CPNE8: variants seen among roughly 807,000 people sequenced by gnomAD.
The protein encoded by CPNE8 is copine-8.
Under a neutral mutation model 81.5 loss-of-function variants are expected in CPNE8, and 45 were observed. The ratio of observed to expected loss-of-function variants is 0.55; its 90% confidence interval spans 0.44 to 0.71. The LOEUF (loss-of-function observed/expected upper bound fraction) is 0.71, where lower values mean the gene tolerates loss of function less well. Ranked by LOEUF, CPNE8 falls within the 30% of genes least tolerant of loss-of-function variation. CPNE8 has a pLI of 0.00. For missense variants in CPNE8, 594 were observed against 672.1 expected (o/e 0.88, Z 1.28); for synonymous variants, 252 against 226.3 (o/e 1.11, Z -1.02).
chr12:38,783,678 G>A (rs541893334), intron 6 of CPNE8, among the ~76,000 whole-genome samples: 1 of 152,288 alleles, frequency 6.6e-6, no homozygotes, highest in South Asian at 2.1e-4. Flanking sequence ...AAGAAAGAGA[G>A]ACCCTGTTTG....
chr12:38,744,932 C>T (rs1466119580), intron 10 of CPNE8, among the ~76,000 whole-genome samples: 2 of 152,182 alleles, frequency 1.3e-5, no homozygotes, highest in African/African-American at 4.8e-5. Context: ...CTAATGACCT[C>T]CATAATCTTG....
At chr12:38,798,065 A>C (rs1330342735) in intron 6 of CPNE8, among the ~76,000 whole-genome samples, 1 of 152,204 alleles carries the variant, frequency 6.6e-6, no homozygotes, top group Non-Finnish European at 1.5e-5. Context: ...GACCAAATCT[A>C]CGTCTCATTG....
intron 3 of CPNE8, among the ~76,000 whole-genome samples, chr12:38,858,788 C>T (rs1943785698): frequency 6.6e-6 from 1 of 151,904 alleles, no homozygotes; most frequent in African/African-American, 2.4e-5. Flanking sequence ...ATTTTTTTTC[C>T]TGTGATACAA....
intron 13 of CPNE8, among the ~76,000 whole-genome samples, chr12:38,710,255 C>T (rs1592027787): frequency 1.2e-4 from 1 of 8,172 alleles, no homozygotes; most frequent in South Asian, 2.9e-3. Context: ...GTGACATAAT[C>T]AAAATAAGCT....
At chr12:38,704,881 G>T (rs1294429011) in intron 13 of CPNE8, among the ~76,000 whole-genome samples, 5 of 84,128 alleles carry the variant, frequency 5.9e-5, no homozygotes, top group African/African-American at 8.3e-5. Flanking sequence ...TCGGCACATG[G>T]TTGTTACCCA....
At chr12:38,768,514 GTTGTTT>G (rs1295083241) in intron 7 of CPNE8, among the ~76,000 whole-genome samples, 1 of 151,788 alleles carries the variant, frequency 6.6e-6, no homozygotes, top group Admixed American at 6.6e-5. Flanking sequence ...GTGTATGTGT[GTTGTTT>G]TTGTTTTTGT....
rs1334946354 is a variant in CPNE8 at position 38,666,547 on chromosome 12, A to G, written c.1506+4182T>C. 2.0e-5 allele frequency among the ~76,000 whole-genome samples: 3 copies of G among 152,138 alleles called. 1 individual carries two copies. Among genetic ancestry groups the G allele is most frequent in the South Asian group, 4.1e-4 (2 of 4,828 alleles). On this transcript the variant is annotated intron_variant, in intron 19 of 19. Transcript: ENST00000331366. ...GACAGGCTATACGTGGAGAAATTTG[A>G]AAGTATAGGATTTCGATCAGCACAG...
At chr12:38,864,480 TACAAA>T (rs1943887793) in intron 3 of CPNE8, among the ~76,000 whole-genome samples, 1 of 151,872 alleles carries the variant, frequency 6.6e-6, no homozygotes, top group African/African-American at 2.4e-5. Flanking sequence ...AAAAAAAAAC[TACAAA>T]GCTCATGCCA....
intron 13 of CPNE8, among the ~76,000 whole-genome samples, chr12:38,707,808 G>A (rs1940149016): frequency 6.6e-6 from 1 of 152,158 alleles, no homozygotes; most frequent in Non-Finnish European, 1.5e-5. Flanking sequence ...GCTCATGCTA[G>A]CGATGGTCAC....
At chr12:38,906,140 A>T (rs931549709), upstream of CPNE8, 3 of 985,352 alleles carry the variant, frequency 3.0e-6, no homozygotes, top group Admixed American at 1.2e-4. Flanking sequence ...ATTGGTTCTC[A>T]CCTCGCCCTC....
chr12:38,763,287 G>A (rs984135994), intron 8 of CPNE8, among the ~76,000 whole-genome samples: 7 of 152,172 alleles, frequency 4.6e-5, no homozygotes, highest in African/African-American at 1.7e-4. Flanking sequence ...TTGATGTGGT[G>A]GGATCATGAG....
intron 3 of CPNE8, among the ~76,000 whole-genome samples, chr12:38,852,087 C>T (rs1017703999): frequency 6.6e-6 from 1 of 152,168 alleles, no homozygotes; most frequent in Admixed American, 6.5e-5. Context: ...TCTCATAGCA[C>T]CTGTCTTCCC....
chr12:38,795,597 A>T (rs1942441491), intron 6 of CPNE8, among the ~76,000 whole-genome samples: 2 of 152,232 alleles, frequency 1.3e-5, no homozygotes, highest in Admixed American at 1.3e-4. Context: ...TGAAGACATT[A>T]TGCTAAGTGA....
chr12:38,845,909 T>C (rs901995710), intron 4 of CPNE8, among the ~76,000 whole-genome samples: 4 of 152,184 alleles, frequency 2.6e-5, no homozygotes, highest in East Asian at 1.9e-4. Flanking sequence ...GTTCTTTGAA[T>C]TGAATTTCTG....
intron 6 of CPNE8, among the ~76,000 whole-genome samples, chr12:38,797,018 T>A (rs1166100240): frequency 2.0e-5 from 3 of 152,170 alleles, no homozygotes; most frequent in Non-Finnish European, 1.5e-5. Context: ...TTGCCCAGGC[T>A]TGCTTAGGTA....
rs186742813 is a variant in CPNE8 at position 38,654,488 on chromosome 12, C to T, written c.1507-418G>A. ...CGAGATCATGCCACTGCACTCCAGC[C>T]TGGCCGACAGAGCGAGACTCTGTCT... is the stretch of plus-strand genomic sequence containing the variant. On this transcript the variant is annotated intron_variant, in intron 19 of 19. Transcript: ENST00000331366. 7.6e-3 allele frequency among the ~76,000 whole-genome samples: 1,021 copies of T among 134,878 alleles called. 11 individuals carry two copies. Among genetic ancestry groups the T allele is most frequent in the African/African-American group, 0.021 (773 of 37,150 alleles). 88.5% of individuals were successfully genotyped at this position (134,878 alleles called of 152,430 possible). A position where few individuals can be genotyped will look rare whatever the true frequency, so the allele number is the denominator to read the frequency against.
At chr12:38,758,831 T>C (rs1425626978) in intron 10 of CPNE8, among the ~76,000 whole-genome samples, 1 of 152,180 alleles carries the variant, frequency 6.6e-6, no homozygotes, top group Non-Finnish European at 1.5e-5. Flanking sequence ...CTATTCAAAA[T>C]TCTTGTGGCT....
intron 10 of CPNE8, among the ~76,000 whole-genome samples, chr12:38,738,560 A>G (rs1565591398): frequency 6.6e-6 from 1 of 152,186 alleles, no homozygotes; most frequent in Non-Finnish European, 1.5e-5. Flanking sequence ...TTAAAAGACC[A>G]TCCTACCACT....
intron 13 of CPNE8, 141 bp from the exon 14 acceptor site, chr12:38,703,062 T>C: frequency 2.0e-6 from 1 of 492,804 alleles, no homozygotes; most frequent in South Asian, 5.6e-5. Context: ...ACATATTGGA[T>C]AGCATCAGAT....
Sources: allele counts gnomAD v4.1 joint callset (sites outside exome capture counted in the v4.1 genomes callset), GRCh38; gene constraint gnomAD v4.1.1; transcripts MANE v1.5; gene names NCBI Gene and HGNC (gene_info 2026-07-23, HGNC 2026-07-21).